MAML2: variants seen among roughly 807,000 people sequenced by gnomAD.
MAML2 encodes mastermind like transcriptional coactivator 2.
MAML2 carries 22 observed loss-of-function variants against 96.1 expected under a neutral mutation model. The ratio of observed to expected loss-of-function variants is 0.23; its 90% confidence interval spans 0.16 to 0.33. The LOEUF is 0.33. Ranked by LOEUF, MAML2 falls within the 10% of genes least tolerant of loss-of-function variation. The pLI is 1.00. For missense variants in MAML2, 1,367 were observed against 1,392.4 expected, an observed-to-expected ratio of 0.98 and a Z score of 0.29; for synonymous variants, 561 against 521.3, an observed-to-expected ratio of 1.08 and a Z score of -1.04.
intron 1 of MAML2, among the ~76,000 whole-genome samples, chr11:96,133,160 T>A (rs1860573129): frequency 6.6e-6 from 1 of 152,208 alleles, no homozygotes; most frequent in South Asian, 2.1e-4. Flanking sequence ...ATAACTTTTA[T>A]CCAAGGTACT....
chr11:96,308,625 G>A (rs970015672), intron 1 of MAML2, among the ~76,000 whole-genome samples: 4 of 152,200 alleles, frequency 2.6e-5, no homozygotes, highest in Non-Finnish European at 5.9e-5. Flanking sequence ...CATCAGAGTT[G>A]CTCTAACATC....
intron 1 of MAML2, among the ~76,000 whole-genome samples, chr11:96,278,076 C>T (rs896668356): frequency 3.3e-5 from 5 of 152,212 alleles, no homozygotes; most frequent in Admixed American, 2.0e-4. Context: ...TGTGTGATGC[C>T]GCTGCTGCTG....
intron 1 of MAML2, among the ~76,000 whole-genome samples, chr11:96,153,729 G>A (rs1265259727): frequency 6.6e-6 from 1 of 151,844 alleles, no homozygotes; most frequent in Non-Finnish European, 1.5e-5. Flanking sequence ...GACCAACAAG[G>A]TGAAACCCCA....
chr11:96,103,443 G>A (rs969184009), intron 1 of MAML2, among the ~76,000 whole-genome samples: 1 of 152,150 alleles, frequency 6.6e-6, no homozygotes, highest in African/African-American at 2.4e-5. Flanking sequence ...ACTGTAGAGG[G>A]ACCACTTTAA....
At chr11:96,194,654 T>G (rs1861703273) in intron 1 of MAML2, among the ~76,000 whole-genome samples, 1 of 152,234 alleles carries the variant, frequency 6.6e-6, no homozygotes, top group African/African-American at 2.4e-5. Flanking sequence ...TCACAGGAGC[T>G]AAATGTGCCT....
chr11:96,198,804 G>A (rs1229780867), intron 1 of MAML2, among the ~76,000 whole-genome samples: 1 of 152,070 alleles, frequency 6.6e-6, no homozygotes, highest in Non-Finnish European at 1.5e-5. Context: ...CCCAAAATAA[G>A]GGCTACATTT....
rs1182661401 is a variant in MAML2, at chr11:95,978,747, A to T, written c.*201T>A. 4 of 565,320 alleles carry T rather than the reference A, an allele frequency of 7.1e-6. No homozygotes were observed. The Admixed American group carries it at 1.4e-4, about 20-fold the overall frequency. The allele number at this position is 565,320 out of a possible 1,614,324, so 35.0% of individuals were successfully genotyped here. On this transcript the variant is annotated 3_prime_UTR_variant, in exon 5 of 5. Transcript: ENST00000524717. The stretch of plus-strand genomic sequence containing the variant: ...AGTTTAGACAGGGAAAAGTGATCCC[A>T]ATATTTTACTTTCAGGTGTAAGATT...
At chr11:96,162,066 C>T (rs1160503542) in intron 1 of MAML2, among the ~76,000 whole-genome samples, 1 of 152,026 alleles carries the variant, frequency 6.6e-6, no homozygotes, top group Non-Finnish European at 1.5e-5. Context: ...GAGAAGACAT[C>T]CCAGACCCCA....
chr11:96,277,042 A>G (rs1862998750), intron 1 of MAML2, among the ~76,000 whole-genome samples: 1 of 152,140 alleles, frequency 6.6e-6, no homozygotes, highest in Non-Finnish European at 1.5e-5. Context: ...GTAAAAACTC[A>G]CAGCATGAAA....
In MAML2 at chr11:96,203,833, C is replaced by T. The variant is rs111312219; in HGVS notation, c.514-110316G>A. The stretch of plus-strand genomic sequence containing the variant: ...TTAAATGTTTTCAAAAAATTCAGTG[C>T]GGTTATTCTCAATAATATGAGTGCA... On this transcript the variant is annotated intron_variant, in intron 1 of 4. Coordinates refer to ENST00000524717, the MANE Select transcript of MAML2 (RefSeq NM_032427.4). Among the ~76,000 whole-genome samples, 540 of 152,286 alleles carry T rather than the reference C, an allele frequency of 3.5e-3. 4 individuals carry two copies. The highest frequency in any genetic ancestry group is 0.014 in the South Asian group (70 of 4,832).
chr11:96,060,751 A>G (rs1348226057), intron 2 of MAML2, among the ~76,000 whole-genome samples: 1 of 152,230 alleles, frequency 6.6e-6, no homozygotes, highest in Non-Finnish European at 1.5e-5. Context: ...TGGCAATAAA[A>G]TCACCTCTTT....
At chr11:96,150,846 C>T (rs1860908143) in intron 1 of MAML2, among the ~76,000 whole-genome samples, 1 of 152,112 alleles carries the variant, frequency 6.6e-6, no homozygotes. Flanking sequence ...TTTTGCCTCC[C>T]ATTACAGCAT....
At chr11:96,087,817 G>C (rs1420992284) in intron 2 of MAML2, among the ~76,000 whole-genome samples, 1 of 152,186 alleles carries the variant, frequency 6.6e-6, no homozygotes, top group African/African-American at 2.4e-5. Context: ...ATCCAGCAAA[G>C]GAGTGGCTTG....
At chr11:96,285,548 T>A (rs184509957) in intron 1 of MAML2, among the ~76,000 whole-genome samples, 41 of 152,212 alleles carry the variant, frequency 2.7e-4, no homozygotes, top group African/African-American at 9.6e-4. Context: ...ACCTACAGAA[T>A]GGAAGACAAT....
At chr11:95,994,412 G>A (rs965351949) in intron 2 of MAML2, among the ~76,000 whole-genome samples, 3 of 152,156 alleles carry the variant, frequency 2.0e-5, no homozygotes, top group African/African-American at 7.2e-5. Flanking sequence ...CTAAGAATGT[G>A]GACTTGGAGA....
intron 2 of MAML2, among the ~76,000 whole-genome samples, chr11:95,999,515 C>G (rs1325351989): frequency 1.3e-5 from 2 of 150,676 alleles, no homozygotes; most frequent in Non-Finnish European, 2.9e-5. Flanking sequence ...GGGCTGAACA[C>G]TGACACAGTA....
chr11:96,088,393 T>A (rs1157797043), intron 2 of MAML2, among the ~76,000 whole-genome samples: 2 of 152,192 alleles, frequency 1.3e-5, no homozygotes, highest in African/African-American at 4.8e-5. Flanking sequence ...CTGAAAAAGA[T>A]CACTTTTTGG....
chr11:96,031,876 C>T (rs1318405198), intron 2 of MAML2, among the ~76,000 whole-genome samples: 2 of 152,068 alleles, frequency 1.3e-5, no homozygotes, highest in East Asian at 3.8e-4. Context: ...GTCCCAGCCT[C>T]TTGGGAGGCT....
intron 2 of MAML2, among the ~76,000 whole-genome samples, chr11:96,010,715 T>C (rs904415858): frequency 2.6e-5 from 4 of 152,202 alleles, no homozygotes; most frequent in Admixed American, 1.3e-4. Context: ...CAAAAAACTA[T>C]AGCAGATTGC....
Sources: allele counts gnomAD v4.1 joint callset (sites outside exome capture counted in the v4.1 genomes callset), GRCh38; gene constraint gnomAD v4.1.1; transcripts MANE v1.5; gene names NCBI Gene and HGNC (gene_info 2026-07-23, HGNC 2026-07-21).